The following RAB33B variants were observed in gnomAD, a reference collection of about 807,000 sequenced individuals.
RAB33B encodes the protein ras-related protein Rab-33B.
RAB33B carries 6 observed loss-of-function variants against 15.0 expected under a neutral mutation model. The ratio of observed to expected loss-of-function variants is 0.40; its 90% CI spans 0.22 to 0.79. The LOEUF (loss-of-function observed/expected upper bound fraction) is 0.79. RAB33B is among the 30% of genes least tolerant of loss of function. RAB33B has a pLI of 0.37. For missense variants in RAB33B, 257 were observed against 296.4 expected, an observed-to-expected ratio of 0.87 and a Z score of 0.98; for synonymous variants, 117 against 108.3, an observed-to-expected ratio of 1.08 and a Z score of -0.50.
Position 139,454,289 on chromosome 4 carries a change from C to G in RAB33B, c.94C>G (p.Arg32Gly). 4 of 1,614,154 alleles carry G rather than the reference C, an allele frequency of 2.5e-6. No homozygotes were observed. The highest frequency in any genetic ancestry group is 3.4e-6 in the Non-Finnish European group (4 of 1,180,018). Residue 32 changes from arginine to glycine, a missense_variant, in exon 1 of 2, where the codon CGC becomes GGC. Arg to Gly is a moderately radical substitution (Grantham distance 125). Transcript: ENST00000305626. Reference protein sequence around the residue: ...ASGFLPPARSRIFKIIVIGDS... With the variant: ...ASGFLPPARSGIFKIIVIGDS... ...AGGGTTTTTGCCTCCTGCCCGCTCC[C>G]GCATCTTCAAGATAATCGTGATCGG...
rs547492274 is a variant in RAB33B at position 139,465,364 on chromosome 4, G to C, written c.250-7322G>C. Among the ~76,000 whole-genome samples, 481 of 152,204 alleles carry C rather than the reference G, an allele frequency of 3.2e-3. 3 individuals are homozygous for C. Among genetic ancestry groups the C allele is most frequent in the African/African-American group, 0.011 (455 of 41,546 alleles). On this transcript the variant is annotated intron_variant, in intron 1 of 1. Transcript: ENST00000305626. ...TGCCTGTTCACTCTGATGGTAGTTT[G>C]TTTTGCTGTGCAGAAGCTCTTTAGT...
At chr4:139,445,340 T>G in the RAB33B span, among the ~76,000 whole-genome samples, 1 of 152,236 alleles carries the variant, frequency 6.6e-6, no homozygotes, top group Non-Finnish European at 1.5e-5. Context: ...CTCTTTTTGC[T>G]TCCACAAGGT....
At chr4:139,443,704 A>C in the RAB33B span, among the ~76,000 whole-genome samples, 2 of 152,188 alleles carry the variant, frequency 1.3e-5, no homozygotes, top group African/African-American at 4.8e-5. Context: ...TGTAAGTTGG[A>C]ATGGGGACAC....
chr4:139,469,855 CTCTT>C (rs1382596250), intron 1 of RAB33B, among the ~76,000 whole-genome samples: 1 of 152,230 alleles, frequency 6.6e-6, no homozygotes, highest in Non-Finnish European at 1.5e-5. Context: ...TACAGAGTCT[CTCTT>C]TGTCTCTCTC....
chr4:139,454,124 C>G lies in RAB33B; in HGVS notation c.-72C>G. On this transcript the variant is annotated 5_prime_UTR_variant, in exon 1 of 2. Transcript: ENST00000305626. ...CGAACTGGCCGGCTGGGCGCGCGCT[C>G]TTGCGGTGGCGTAATCTCTCAGCCT... 1 of 1,512,928 alleles carries G rather than the reference C, an allele frequency of 6.6e-7. No homozygotes were observed. Among genetic ancestry groups the G allele is most frequent in the Non-Finnish European group, 8.9e-7 (1 of 1,129,924 alleles). The allele number at this position is 1,512,928 out of a possible 1,614,324, so 93.7% of individuals were successfully genotyped here. A position where few individuals can be genotyped will look rare whatever the true frequency, so the allele number is the denominator to read the frequency against.
chr4:139,464,784 A>G (rs1436262785), intron 1 of RAB33B, among the ~76,000 whole-genome samples: 2 of 152,152 alleles, frequency 1.3e-5, no homozygotes. Context: ...AATACAGTCT[A>G]TCATTGTTGG....
chr4:139,439,208 A>T, the RAB33B span, among the ~76,000 whole-genome samples: 1 of 151,950 alleles, frequency 6.6e-6, no homozygotes, highest in South Asian at 2.1e-4. Context: ...CACTGTGTTA[A>T]CCATGATGGT....
intron 1 of RAB33B, among the ~76,000 whole-genome samples, chr4:139,468,852 T>C (rs538333091): frequency 7.2e-5 from 11 of 152,254 alleles, no homozygotes; most frequent in Non-Finnish European, 1.6e-4. Context: ...AAAAGGTTTT[T>C]TTCTTCAGCA....
At chr4:139,458,659 T>C (rs939301217) in intron 1 of RAB33B, among the ~76,000 whole-genome samples, 7 of 152,286 alleles carry the variant, frequency 4.6e-5, no homozygotes, top group Non-Finnish European at 7.3e-5. Flanking sequence ...CTGTCTACCA[T>C]TGATGGGCAT....
chr4:139,455,741 C>T (rs537521985), intron 1 of RAB33B, among the ~76,000 whole-genome samples: 1 of 152,000 alleles, frequency 6.6e-6, no homozygotes, highest in East Asian at 1.9e-4. Context: ...TAGGTTTGGC[C>T]CAGAAGCCTT....
the RAB33B span, among the ~76,000 whole-genome samples, chr4:139,447,973 A>G: frequency 6.7e-6 from 1 of 149,792 alleles, no homozygotes; most frequent in Non-Finnish European, 1.5e-5. Context: ...GGCCCAGTCT[A>G]CTACTTTTAA....
At chr4:139,463,799 C>A (rs1181023367) in intron 1 of RAB33B, among the ~76,000 whole-genome samples, 1 of 152,192 alleles carries the variant, frequency 6.6e-6, no homozygotes, top group South Asian at 2.1e-4. Flanking sequence ...TCTCACTGCT[C>A]CTTTCCTGTC....
At position 139,454,126 on chromosome 4, in the gene RAB33B, T is replaced by C; in HGVS notation, c.-70T>C. On this transcript the variant is annotated 5_prime_UTR_variant, in exon 1 of 2. Transcript: ENST00000305626. Reference sequence around the variant, plus strand: ...AACTGGCCGGCTGGGCGCGCGCTCTTGCGGTGGCGTAATCTCTCAGCCTTT... The same window carrying C: ...AACTGGCCGGCTGGGCGCGCGCTCTCGCGGTGGCGTAATCTCTCAGCCTTT... The C allele has an allele frequency of 1.3e-6, 2 of 1,515,456 alleles. No homozygotes were observed. Among genetic ancestry groups the C allele is most frequent in the Non-Finnish European group, 1.8e-6 (2 of 1,131,144 alleles). The allele number at this position is 1,515,456 out of a possible 1,614,324, so 93.9% of individuals were successfully genotyped here.
chr4:139,454,067 G>T, upstream of RAB33B: 2 of 1,123,224 alleles, frequency 1.8e-6, no homozygotes, highest in Non-Finnish European at 2.5e-6. Context: ...GCTCGGGGCT[G>T]GTGGGCGGTG....
the RAB33B span, among the ~76,000 whole-genome samples, chr4:139,438,759 T>C: frequency 6.6e-6 from 1 of 152,290 alleles, no homozygotes; most frequent in Non-Finnish European, 1.5e-5. Flanking sequence ...AGTCATGTTG[T>C]AAACAAAAAG....
chr4:139,445,958 A>T, the RAB33B span, among the ~76,000 whole-genome samples: 1 of 152,188 alleles, frequency 6.6e-6, no homozygotes, highest in East Asian at 1.9e-4. Flanking sequence ...GCTTTGGCGG[A>T]AACGGAACGT....
In RAB33B at chr4:139,475,675, A is replaced by G. The variant is rs966974695; in HGVS notation, c.*2549A>G. 2.0e-5 allele frequency: 3 copies of G among 152,138 alleles called. No homozygotes were observed. The South Asian group carries it at 6.2e-4, about 31-fold the overall frequency. 9.4% of individuals were successfully genotyped at this position (152,138 alleles called of 1,614,324 possible). A position where few individuals can be genotyped will look rare whatever the true frequency, so the allele number is the denominator to read the frequency against. ...AAAATCTGTAGAATTTATTTTAACT[A>G]TGACCTTTAATTGAAAATAAATAAT... On this transcript the variant is annotated 3_prime_UTR_variant, in exon 2 of 2. Coordinates refer to ENST00000305626, the MANE Select transcript of RAB33B (RefSeq NM_031296.3).
At position 139,454,412 on chromosome 4, in the gene RAB33B, C is replaced by G. The variant is rs1035382343; in HGVS notation, c.217C>G (p.Arg73Gly). The G allele has an allele frequency of 6.2e-7, 1 of 1,611,938 alleles. No homozygotes were observed. The highest frequency in any genetic ancestry group is 8.5e-7 in the Non-Finnish European group (1 of 1,180,006). The change falls in exon 1 of 2, where the codon CGA becomes GGA. Residue 73 changes from arginine to glycine, a missense_variant. Transcript: ENST00000305626. ...CACGATAGGGGTGGATTTCCGAGAA[C>G]GAGCGGTGGAGATTGATGGGGAGCG... ...EATIGVDFRE[R>G]AVEIDGERIK...
chr4:139,462,640 CT>C, intron 1 of RAB33B, among the ~76,000 whole-genome samples: 1 of 152,264 alleles, frequency 6.6e-6, no homozygotes, highest in East Asian at 1.9e-4. Flanking sequence ...GAACTCTTTG[CT>C]TTTTGTATGT....
Sources: gnomAD v4.1 joint callset for allele counts (sites outside exome capture counted in the v4.1 genomes callset) on GRCh38, gnomAD v4.1.1 for gene constraint, MANE v1.5 for transcripts, NCBI Gene and HGNC (gene_info 2026-07-23, HGNC 2026-07-21) for gene names.